The following WDR19 variants were observed in gnomAD, a reference collection of about 807,000 sequenced individuals.
The protein encoded by WDR19 is WD repeat-containing protein 19.
In WDR19, 121 loss-of-function variants were observed where a neutral mutation model predicts 180.0. The observed-to-expected ratio is 0.67, with a 90% CI of 0.58 to 0.78. The LOEUF is 0.78. WDR19 is among the 30% of genes least tolerant of loss of function. The pLI is 0.00. For synonymous variants in WDR19, 497 were observed against 540.7 expected (o/e 0.92, Z 1.12); for missense variants, 1,450 against 1,640.7 (o/e 0.88, Z 2.01).
chr4:39,221,645 A>G (rs1729716153), intron 14 of WDR19, among the ~76,000 whole-genome samples: 1 of 152,116 alleles, frequency 6.6e-6, no homozygotes, highest in African/African-American at 2.4e-5. Context: ...ATCACCCCCA[A>G]AAGTTTTCTC....
At chr4:39,280,141 T>TTTTTTTTTTTTTTTTTTTTA (rs368949539) in intron 36 of WDR19, among the ~76,000 whole-genome samples, 2 of 88,354 alleles carry the variant, frequency 2.3e-5, no homozygotes, top group Non-Finnish European at 2.2e-5. Flanking sequence ...TTTTTTTTTT[T>TTTTTTTTTTTTTTTTTTTTA]AATAGAGGCA....
In WDR19 at chr4:39,182,566, A is replaced by G. The variant is rs1415721879; in HGVS notation, c.6+3A>G. 10 of 1,613,656 alleles carry G rather than the reference A, an allele frequency of 6.2e-6. No individual in the cohort carries two copies. Among genetic ancestry groups the G allele is most frequent in the Non-Finnish European group, 8.5e-6 (10 of 1,179,812 alleles). On this transcript the variant is annotated splice_donor_region_variant and intron_variant, in intron 1 of 36. Transcript: ENST00000399820. Reference sequence around the variant, plus strand: ...GCGGCTCGAGCGTGGAGATGAAGGTAAATAACTTACAAATTCCCGGGGTGG... The same window carrying G: ...GCGGCTCGAGCGTGGAGATGAAGGTGAATAACTTACAAATTCCCGGGGTGG...
chr4:39,238,089 T>C (rs568000201), intron 20 of WDR19: 2 of 152,346 alleles, frequency 1.3e-5, no homozygotes, highest in Admixed American at 1.3e-4. Flanking sequence ...ATGCAGATCT[T>C]CGGACCCTAA....
At chr4:39,249,125 A>T (rs1215277168) in intron 24 of WDR19, among the ~76,000 whole-genome samples, 17 of 152,196 alleles carry the variant, frequency 1.1e-4, no homozygotes, top group Admixed American at 7.9e-4. Flanking sequence ...GTAAAAGAAC[A>T]GAAATTATAA....
intron 33 of WDR19, among the ~76,000 whole-genome samples, chr4:39,276,631 C>T (rs1450011873): frequency 6.6e-6 from 1 of 152,184 alleles, no homozygotes; most frequent in Non-Finnish European, 1.5e-5. Flanking sequence ...ACAGACAGTT[C>T]TATTGGACGG....
intron 3 of WDR19, among the ~76,000 whole-genome samples, chr4:39,189,307 G>C (rs999220582): frequency 1.3e-5 from 2 of 152,082 alleles, no homozygotes; most frequent in Non-Finnish European, 2.9e-5. Context: ...ATTATGTCTC[G>C]ATTCCAGATG....
chr4:39,224,313 C>G (rs1730006949), intron 14 of WDR19, among the ~76,000 whole-genome samples: 1 of 152,086 alleles, frequency 6.6e-6, no homozygotes, highest in African/African-American at 2.4e-5. Flanking sequence ...TTTAATATCA[C>G]TAAGAATGTT....
In WDR19 at chr4:39,228,503, G is replaced by T. The variant is rs1362656117; in HGVS notation, c.1795G>T (p.Ala599Ser). The stretch of plus-strand genomic sequence containing the variant: ...TAATGTAGGAGCCAAGGTTATTTTG[G>T]CTGGTAGCACCAAAGTTCCTTTTGC... ...DTIQGAKVIL[A>S]GSTKVPFAHK... is the part of the protein sequence containing the mutation. The change falls in exon 17 of 37, where the codon GCT becomes TCT. Residue 599 changes from alanine (A) to serine (S), a missense_variant. Physicochemically the swap from Ala to Ser is moderately conservative, Grantham distance 99 (BLOSUM62 1). Transcript: ENST00000399820. 4 of 1,613,700 alleles carry T rather than the reference G, an allele frequency of 2.5e-6. No homozygotes were observed. Among genetic ancestry groups the T allele is most frequent in the East Asian group, 4.5e-5 (2 of 44,892 alleles).
At chr4:39,193,102 A>AAGTACCTAT (rs554859792) in intron 4 of WDR19, among the ~76,000 whole-genome samples, 32 of 152,298 alleles carry the variant, frequency 2.1e-4, no homozygotes, top group Middle Eastern at 6.8e-3. Flanking sequence ...TACTTAATAG[A>AAGTACCTAT]AGAACCTAGC....
intron 36 of WDR19, among the ~76,000 whole-genome samples, chr4:39,280,833 G>A (rs1736424548): frequency 6.6e-6 from 1 of 152,108 alleles, no homozygotes; most frequent in Non-Finnish European, 1.5e-5. Flanking sequence ...ATTTACACCT[G>A]TTTCCTTCTA....
chr4:39,190,825 A>G (rs1297156046), intron 4 of WDR19, among the ~76,000 whole-genome samples: 4 of 152,226 alleles, frequency 2.6e-5, no homozygotes, highest in Admixed American at 1.3e-4. Context: ...CTTTGGGTTT[A>G]CATCACTTTT....
chr4:39,206,092 C>T (rs1022056145), intron 9 of WDR19: 2 of 161,292 alleles, frequency 1.2e-5, no homozygotes, highest in Admixed American at 6.3e-5. Flanking sequence ...ATTTGAAGTG[C>T]CAACTAACCA....
At chr4:39,238,019 C>T (rs1004694171) in intron 20 of WDR19, 1 of 152,180 alleles carries the variant, frequency 6.6e-6, no homozygotes, top group Non-Finnish European at 1.5e-5. Flanking sequence ...GTTTCTAACC[C>T]TTTCTGCTCA....
In WDR19 at chr4:39,278,208, G is replaced by A. The variant is rs1323973264; in HGVS notation, c.3917+1G>A. The A allele has an allele frequency of 1.9e-6, 3 of 1,599,998 alleles. No individual in the cohort carries two copies. The highest frequency in any genetic ancestry group is 1.7e-4 in the Middle Eastern group (1 of 6,050). ...CTGCTCTATACTCAGAATTGAAGAT[G>A]TAAGTGTGCATCACGTCACTCAGTC... On this transcript the variant is annotated splice_donor_variant, in intron 35 of 36. Transcript: ENST00000399820. LOFTEE classifies it high-confidence loss of function.
intron 33 of WDR19, 30 bp from the exon 34 acceptor site, chr4:39,276,990 A>G (rs1363883681): frequency 3.1e-6 from 5 of 1,610,742 alleles, no homozygotes; most frequent in Non-Finnish European, 4.2e-6. Flanking sequence ...ATAAAACGGC[A>G]TTTTTAAATG....
chr4:39,211,686 A>G (rs1229263857), intron 9 of WDR19, among the ~76,000 whole-genome samples: 1 of 152,192 alleles, frequency 6.6e-6, no homozygotes, highest in Admixed American at 6.5e-5. Context: ...AAGAAACTGA[A>G]CTGCTTAAGT....
rs937411610 is a variant in WDR19, at chr4:39,284,910, C to T, written c.*14-577C>T. 4.4e-4 allele frequency among the ~76,000 whole-genome samples: 67 copies of T among 151,994 alleles called. 3 individuals carry two copies. The highest frequency in any genetic ancestry group is 1.3e-4 in the Admixed American group (2 of 15,270). On this transcript the variant is annotated intron_variant, in intron 36 of 36. Transcript: ENST00000399820. ...CTTCAGAAACGTCACTATAGCCAGGCGCAGAACCTGTGGCCATAGTCGCAG... is the reference window on the plus strand; with the variant it reads ...CTTCAGAAACGTCACTATAGCCAGGTGCAGAACCTGTGGCCATAGTCGCAG...
At chr4:39,282,086 C>T (rs893808662) in intron 36 of WDR19, among the ~76,000 whole-genome samples, 2 of 152,182 alleles carry the variant, frequency 1.3e-5, no homozygotes, top group Admixed American at 6.5e-5. Context: ...ATTTGGAGTC[C>T]ATTGATTGGG....
chr4:39,231,429 C>T (rs563269976), intron 17 of WDR19, among the ~76,000 whole-genome samples: 4 of 151,868 alleles, frequency 2.6e-5, no homozygotes, highest in Non-Finnish European at 5.9e-5. Flanking sequence ...GTTTGCTGAC[C>T]CCTGTTTTAA....
Sources: gnomAD v4.1 joint callset for allele counts (sites outside exome capture counted in the v4.1 genomes callset) on GRCh38, gnomAD v4.1.1 for gene constraint, MANE v1.5 for transcripts, NCBI Gene and HGNC (gene_info 2026-07-23, HGNC 2026-07-21) for gene names.